PRKAR2A: variants seen among roughly 807,000 people sequenced by gnomAD.
PRKAR2A encodes cAMP-dependent protein kinase type II-alpha regulatory subunit.
PRKAR2A carries 29 observed loss-of-function variants against 51.9 expected under a neutral mutation model. The observed-to-expected ratio is 0.56, with a 90% CI of 0.42 to 0.76. PRKAR2A has a LOEUF of 0.76. PRKAR2A is among the 30% of genes least tolerant of loss of function. The pLI is 0.00. For synonymous variants in PRKAR2A, 178 were observed against 186.2 expected (o/e 0.96, Z 0.36); for missense variants, 445 against 512.1 (o/e 0.87, Z 1.26).
chr3:48,760,359 A>T (rs1013163404), intron 8 of PRKAR2A, among the ~76,000 whole-genome samples: 1 of 152,064 alleles, frequency 6.6e-6, no homozygotes, highest in Admixed American at 6.6e-5. Context: ...CTCTGTCTCA[A>T]AAAACAAAAC....
intron 1 of PRKAR2A, among the ~76,000 whole-genome samples, chr3:48,808,149 G>A (rs1359783770): frequency 5.3e-5 from 8 of 149,676 alleles, no homozygotes; most frequent in African/African-American, 1.7e-4. Flanking sequence ...CCACGTTCAC[G>A]CCATTCTCCT....
At position 48,765,355 on chromosome 3, in the gene PRKAR2A, A is replaced by G. The variant is rs752290547; in HGVS notation, c.697-6T>C. On this transcript the variant is annotated splice_polypyrimidine_tract_variant and splice_region_variant and intron_variant, in intron 6 of 10. Transcript: ENST00000265563. ...CTTCTAAAAGTCACCCGGTCCTACA[A>G]GAAAGAATATGAAAATTCTAGTAAA... 5.1e-6 allele frequency: 8 copies of G among 1,583,612 alleles called. No homozygotes were observed. The African/African-American group carries it at 6.8e-5, about 13-fold the overall frequency.
At chr3:48,813,909 A>G (rs2082825205) in intron 1 of PRKAR2A, among the ~76,000 whole-genome samples, 2 of 152,068 alleles carry the variant, frequency 1.3e-5, no homozygotes, top group Admixed American at 6.6e-5. Flanking sequence ...GGATCACCTG[A>G]GGTCAGGAGT....
At chr3:48,765,748 A>AAAG (rs55701536) in intron 6 of PRKAR2A, among the ~76,000 whole-genome samples, 1 of 149,930 alleles carries the variant, frequency 6.7e-6, no homozygotes, top group South Asian at 2.1e-4. Flanking sequence ...AAAAAAAAAA[A>AAAG]GAGACACCTC....
chr3:48,847,612 A>G lies in PRKAR2A; in HGVS notation c.-16T>C. The G allele has an allele frequency of 6.8e-7, 1 of 1,463,222 alleles. No homozygotes were observed. Among genetic ancestry groups the G allele is most frequent in the Non-Finnish European group, 9.0e-7 (1 of 1,115,204 alleles). 90.6% of individuals were successfully genotyped at this position (1,463,222 alleles called of 1,614,324 possible). On this transcript the variant is annotated 5_prime_UTR_variant, in exon 1 of 11. Coordinates refer to ENST00000265563, the MANE Select transcript of PRKAR2A (RefSeq NM_004157.4). This position sits in a 1 kb window ranked among gnomAD's most constrained non-coding sequence, Gnocchi z 4.4. ...TGTGGCTCATGCCGGCGGCGGCCGA[A>G]GGGATAGACGGGTTGGGCCGCCGGC...
At chr3:48,802,651 C>T (rs1029775567) in intron 2 of PRKAR2A, among the ~76,000 whole-genome samples, 1 of 151,446 alleles carries the variant, frequency 6.6e-6, no homozygotes, top group East Asian at 1.9e-4. Context: ...CGCAGTGAGC[C>T]GAGATCACAC....
At chr3:48,820,617 T>A (rs1575928558) in intron 1 of PRKAR2A, among the ~76,000 whole-genome samples, 1 of 152,174 alleles carries the variant, frequency 6.6e-6, no homozygotes, top group East Asian at 1.9e-4. Context: ...ACTAGCAGTG[T>A]GACCTTGAAT....
At chr3:48,811,788 T>C (rs551884507) in intron 1 of PRKAR2A, among the ~76,000 whole-genome samples, 56 of 152,032 alleles carry the variant, frequency 3.7e-4, no homozygotes, top group Non-Finnish European at 7.2e-4. Context: ...CTTTAAAAGA[T>C]TAATTATATG....
At chr3:48,822,779 G>A (rs985181348) in intron 1 of PRKAR2A, among the ~76,000 whole-genome samples, 1 of 84,228 alleles carries the variant, frequency 1.2e-5, no homozygotes, top group Non-Finnish European at 2.6e-5. Context: ...CCAGGCTGGA[G>A]TGTGGTGGTG....
chr3:48,764,694 G>A (rs1408548170), intron 8 of PRKAR2A, among the ~76,000 whole-genome samples: 2 of 152,064 alleles, frequency 1.3e-5, no homozygotes, highest in Non-Finnish European at 2.9e-5. Context: ...GCGCAATCTC[G>A]ACTCACTGAA....
At chr3:48,754,996 C>CTTTT (rs1279558575) in intron 9 of PRKAR2A, among the ~76,000 whole-genome samples, 1 of 125,820 alleles carries the variant, frequency 7.9e-6, no homozygotes, top group African/African-American at 3.2e-5. Context: ...TACTTATTAA[C>CTTTT]TTTTTTTTTT....
At chr3:48,759,824 A>G (rs1313226154) in intron 8 of PRKAR2A, among the ~76,000 whole-genome samples, 1 of 152,224 alleles carries the variant, frequency 6.6e-6, no homozygotes, top group Admixed American at 6.5e-5. Flanking sequence ...TCAGGTTCTT[A>G]TATGTCTCTT....
At chr3:48,821,268 T>A (rs2082955792) in intron 1 of PRKAR2A, among the ~76,000 whole-genome samples, 1 of 152,112 alleles carries the variant, frequency 6.6e-6, no homozygotes, top group Admixed American at 6.6e-5. Context: ...ACACCAGCTA[T>A]CCAGACCTAA....
chr3:48,748,490 G>A lies in PRKAR2A; in HGVS notation c.*3095C>T, dbSNP rs1393537437. The stretch of plus-strand genomic sequence containing the variant: ...ACTCCAAAACAGCAACTATCATTAA[G>A]TCAGGGGTGTCAAGGAGGACTCTGT... On this transcript the variant is annotated 3_prime_UTR_variant, in exon 11 of 11. Coordinates refer to ENST00000265563, the MANE Select transcript of PRKAR2A (RefSeq NM_004157.4). 6.6e-6 allele frequency: 1 copy of A among 152,136 alleles called. No homozygotes were observed. Among genetic ancestry groups the A allele is most frequent in the Non-Finnish European group, 1.5e-5 (1 of 68,082 alleles). 9.4% of individuals were successfully genotyped at this position (152,136 alleles called of 1,614,324 possible).
chr3:48,829,847 G>GTGTATATATATA lies in PRKAR2A; in HGVS notation c.262+17487_262+17488insTATATATATACA, dbSNP rs777532795. 8.5e-3 allele frequency among the ~76,000 whole-genome samples: 540 copies of GTGTATATATATA among 63,548 alleles called. 4 individuals are homozygous for GTGTATATATATA. Among genetic ancestry groups the GTGTATATATATA allele is most frequent in the Non-Finnish European group, 0.012 (435 of 35,624 alleles). The allele number at this position is 63,548 out of a possible 152,430, so 41.7% of individuals were successfully genotyped here. ...TATACATACATATATATGCGTGTGT[G>GTGTATATATATA]TATATATATATATATATATATATAT... is the stretch of plus-strand genomic sequence containing the variant. On this transcript the variant is annotated intron_variant, in intron 1 of 10. Transcript: ENST00000265563.
intron 1 of PRKAR2A, among the ~76,000 whole-genome samples, chr3:48,829,845 G>T (rs2083152591): frequency 2.2e-5 from 1 of 46,276 alleles, no homozygotes; most frequent in Non-Finnish European, 3.6e-5. Flanking sequence ...ATATGCGTGT[G>T]TGTATATATA....
Position 48,747,336 on chromosome 3 carries a change from C to T in PRKAR2A, c.*4249G>A, listed in dbSNP as rs1416542348. 1 of 152,094 alleles carries T rather than the reference C, an allele frequency of 6.6e-6. No homozygotes were observed. Among genetic ancestry groups the T allele is most frequent in the Non-Finnish European group, 1.5e-5 (1 of 68,026 alleles). The allele number at this position is 152,094 out of a possible 1,614,324, so 9.4% of individuals were successfully genotyped here. On this transcript the variant is annotated 3_prime_UTR_variant, in exon 11 of 11. Coordinates refer to ENST00000265563, the MANE Select transcript of PRKAR2A (RefSeq NM_004157.4). ...TTTTTATTTTTCTCTGTGCAAAATGCTCTTCTTTCTGAATTAGAGGGTAGC... is the reference window on the plus strand; with the variant it reads ...TTTTTATTTTTCTCTGTGCAAAATGTTCTTCTTTCTGAATTAGAGGGTAGC...
intron 4 of PRKAR2A, among the ~76,000 whole-genome samples, chr3:48,784,763 T>A (rs1216085872): frequency 6.6e-6 from 1 of 152,154 alleles, no homozygotes; most frequent in Non-Finnish European, 1.5e-5. Context: ...AACTGTGACT[T>A]TAAGCAAAAC....
intron 5 of PRKAR2A, among the ~76,000 whole-genome samples, chr3:48,776,148 T>G (rs2082101537): frequency 6.6e-6 from 1 of 152,036 alleles, no homozygotes; most frequent in African/African-American, 2.4e-5. Context: ...CAATTATTTA[T>G]CTATTGATTG....
Sources: gnomAD v4.1 joint callset for allele counts (sites outside exome capture counted in the v4.1 genomes callset) on GRCh38, gnomAD v4.1.1 for gene constraint, Gnocchi (gnomAD v3.1) non-coding constraint, MANE v1.5 for transcripts, NCBI Gene and HGNC (gene_info 2026-07-23, HGNC 2026-07-21) for gene names.